Variants in CLSTN1 observed in about 807,000 individuals in gnomAD.
CLSTN1 encodes the protein calsyntenin-1.
CLSTN1 carries 28 observed loss-of-function variants against 108.3 expected under a neutral mutation model. That is an observed-to-expected ratio of 0.26 (90% CI 0.19 to 0.35). CLSTN1 has a LOEUF of 0.35. Among genes scored for constraint, CLSTN1 ranks in the 10% least tolerant of loss-of-function variants. The probability of loss-of-function intolerance (pLI) is 1.00; values close to 1 mark genes in which losing one functional copy is unlikely to be tolerated. For missense variants in CLSTN1, 1,157 were observed against 1,302.6 expected (o/e 0.89, Z 1.72); for synonymous variants, 524 against 534.9 (o/e 0.98, Z 0.28).
At position 9,785,098 on chromosome 1, in the gene CLSTN1, G is replaced by C. The variant is rs902996274; in HGVS notation, c.92-11704C>G. Among the ~76,000 whole-genome samples the C allele has an allele frequency of 2.0e-5, 3 of 150,064 alleles. No individual in the cohort carries two copies. In the Admixed American group the frequency reaches 2.0e-4, roughly 10 times the overall value. On this transcript the variant is annotated intron_variant, in intron 1 of 18. Transcript: ENST00000377298. ...TCCCAGCTAATTTTTGTTATTTTTA[G>C]AGGAGAGGGGTTTTCACCATGTTGG...
At chr1:9,739,191 G>A (rs1650846842) in intron 10 of CLSTN1, among the ~76,000 whole-genome samples, 1 of 152,118 alleles carries the variant, frequency 6.6e-6, no homozygotes, top group East Asian at 1.9e-4. Context: ...GGCAATAAAT[G>A]TAGGCTACAC....
In CLSTN1 at chr1:9,731,843, G is replaced by A; in HGVS notation, c.2481C>T (p.Ala827=). ...GTTCCGGGTGCACGAACTGTGGCTG[G>A]GCAGCCATGTGGTTGGCGTGTTCCA... ...NPMEHANHMA[A]QPQFVHPEHR... The change falls in exon 17 of 19, where the codon GCC becomes GCT. Residue 827 remains alanine, a synonymous_variant. Transcript: ENST00000377298. 1 of 1,614,152 alleles carries A rather than the reference G, an allele frequency of 6.2e-7. No individual in the cohort carries two copies. The highest frequency in any genetic ancestry group is 8.5e-7 in the Non-Finnish European group (1 of 1,180,010).
intron 1 of CLSTN1, among the ~76,000 whole-genome samples, chr1:9,808,697 C>T (rs867007124): frequency 6.6e-6 from 1 of 151,942 alleles, no homozygotes; most frequent in South Asian, 2.1e-4. Flanking sequence ...AACACGTGCC[C>T]GAGCTCTCAG....
Position 9,730,447 on chromosome 1 carries a change from TG to T in CLSTN1, c.*60del. ...TTTGTACATCGTGGACCCTTGGGAC[TG>T]GGAGAACGGATGGCAGCAGAGTCTT... On this transcript the variant is annotated 3_prime_UTR_variant, in exon 19 of 19. Coordinates refer to ENST00000377298, the MANE Select transcript of CLSTN1 (RefSeq NM_001009566.3). This position sits in a 1 kb window ranked among gnomAD's most constrained non-coding sequence, Gnocchi z 5.6. 6.7e-7 allele frequency: 1 copy of T among 1,491,630 alleles called. No individual in the cohort carries two copies. Among genetic ancestry groups the T allele is most frequent in the Non-Finnish European group, 9.2e-7 (1 of 1,083,658 alleles). 92.4% of individuals were successfully genotyped at this position (1,491,630 alleles called of 1,614,324 possible).
intron 1 of CLSTN1, chr1:9,780,906 G>T: frequency 2.8e-6 from 1 of 356,346 alleles, no homozygotes; most frequent in South Asian, 5.1e-5. Context: ...TGGACAGGAT[G>T]CTGAATAAAC....
At chr1:9,798,058 C>A (rs1169209052) in intron 1 of CLSTN1, among the ~76,000 whole-genome samples, 1 of 149,984 alleles carries the variant, frequency 6.7e-6, no homozygotes, top group African/African-American at 2.5e-5. Context: ...GGTGCCACTG[C>A]ACTCCAGCCT....
At chr1:9,806,208 T>G (rs549795858) in intron 1 of CLSTN1, among the ~76,000 whole-genome samples, 178 of 144,926 alleles carry the variant, frequency 1.2e-3, no homozygotes, top group African/African-American at 4.6e-3. Flanking sequence ...GAGAATCGTT[T>G]GAACCCAGGG....
At chr1:9,807,063 T>G (rs990689103) in intron 1 of CLSTN1, among the ~76,000 whole-genome samples, 2 of 151,958 alleles carry the variant, frequency 1.3e-5, no homozygotes, top group African/African-American at 4.8e-5. Flanking sequence ...GGGACACTGG[T>G]GCCACAGGTG....
At chr1:9,799,957 C>CA (rs1198161090) in intron 1 of CLSTN1, among the ~76,000 whole-genome samples, 2 of 151,830 alleles carry the variant, frequency 1.3e-5, no homozygotes, top group South Asian at 2.1e-4. Flanking sequence ...AACAAACAAA[C>CA]AAAAAACCAC....
chr1:9,764,016 C>G (rs918941780), intron 2 of CLSTN1, among the ~76,000 whole-genome samples: 1 of 152,036 alleles, frequency 6.6e-6, no homozygotes, highest in Non-Finnish European at 1.5e-5. Flanking sequence ...GGTTGGGCAT[C>G]TGCATCTGAT....
At chr1:9,817,079 T>G (rs1293385737) in intron 1 of CLSTN1, among the ~76,000 whole-genome samples, 1 of 152,218 alleles carries the variant, frequency 6.6e-6, no homozygotes, top group African/African-American at 2.4e-5. Flanking sequence ...TGAAAGATGA[T>G]TCTTCGGCCA....
intron 10 of CLSTN1, 104 bp from the exon 11 acceptor site, chr1:9,737,658 A>C (rs2101083147): frequency 1.0e-6 from 1 of 997,072 alleles, no homozygotes; most frequent in Non-Finnish European, 1.6e-6. Context: ...TAAAACATGA[A>C]GAGAAAATTC....
chr1:9,740,405 TC>T, intron 10 of CLSTN1, among the ~76,000 whole-genome samples: 1 of 152,322 alleles, frequency 6.6e-6, no homozygotes, highest in African/African-American at 2.4e-5. Flanking sequence ...GGCTCCTGAT[TC>T]ATCAGCTGGG....
intron 2 of CLSTN1, among the ~76,000 whole-genome samples, chr1:9,767,634 A>G (rs957978644): frequency 1.3e-5 from 2 of 151,898 alleles, no homozygotes; most frequent in Non-Finnish European, 2.9e-5. Flanking sequence ...GCAGGCACTC[A>G]ATAAACGTTA....
chr1:9,755,950 A>G (rs377285746), intron 3 of CLSTN1, among the ~76,000 whole-genome samples: 21 of 152,196 alleles, frequency 1.4e-4, no homozygotes, highest in African/African-American at 4.6e-4. Context: ...ATTCAGACAC[A>G]GTTTCTATTA....
chr1:9,778,951 A>T (rs182048929), intron 1 of CLSTN1, among the ~76,000 whole-genome samples: 3 of 151,500 alleles, frequency 2.0e-5, no homozygotes, highest in African/African-American at 7.3e-5. Flanking sequence ...TGAACCCAGG[A>T]GGCAGAGGTT....
intron 2 of CLSTN1, among the ~76,000 whole-genome samples, chr1:9,762,625 G>A (rs1314170842): frequency 3.4e-5 from 5 of 147,998 alleles, no homozygotes; most frequent in Admixed American, 2.0e-4. Context: ...CGCACTCAAC[G>A]GCTGGGTGTC....
intron 1 of CLSTN1, among the ~76,000 whole-genome samples, chr1:9,801,934 TGCAAAAACC>T (rs1654289944): frequency 6.6e-6 from 1 of 152,114 alleles, no homozygotes; most frequent in African/African-American, 2.4e-5. Flanking sequence ...TGAACACAGA[TGCAAAAACC>T]CTCAACAAAG....
At chr1:9,800,972 T>C (rs1370567147) in intron 1 of CLSTN1, among the ~76,000 whole-genome samples, 6 of 150,814 alleles carry the variant, frequency 4.0e-5, no homozygotes, top group Admixed American at 2.0e-4. Flanking sequence ...AGAGGCTGGG[T>C]GCGGTGGCTC....
Sources: gnomAD v4.1 joint callset for allele counts (sites outside exome capture counted in the v4.1 genomes callset) on GRCh38, gnomAD v4.1.1 for gene constraint, Gnocchi (gnomAD v3.1) non-coding constraint, MANE v1.5 for transcripts, NCBI Gene and HGNC (gene_info 2026-07-23, HGNC 2026-07-21) for gene names.